CAMTA1: variants seen among roughly 807,000 people sequenced by gnomAD.
CAMTA1 encodes the protein calmodulin-binding transcription activator 1.
In CAMTA1, 27 loss-of-function variants were observed where a neutral mutation model predicts 170.9. That is an observed-to-expected ratio of 0.16 (90% CI 0.12 to 0.22). The LOEUF is 0.22. CAMTA1 is among the 10% of genes least tolerant of loss of function. The pLI is 1.00. For synonymous variants in CAMTA1, 833 were observed against 891.5 expected (o/e 0.93, Z 1.17); for missense variants, 1,619 against 2,217.2 (o/e 0.73, Z 5.42).
intron 6 of CAMTA1, among the ~76,000 whole-genome samples, chr1:7,639,890 C>T (rs2095747014): frequency 6.6e-6 from 1 of 152,172 alleles, no homozygotes; most frequent in Non-Finnish European, 1.5e-5. Flanking sequence ...AGCTCCTTTT[C>T]CCCTTGGGGA....
intron 1 of CAMTA1, among the ~76,000 whole-genome samples, chr1:6,816,805 C>T (rs1250685994): frequency 6.6e-6 from 1 of 152,196 alleles, no homozygotes; most frequent in Non-Finnish European, 1.5e-5. Flanking sequence ...AGACAGGCGC[C>T]TAGAGGGAGA....
intron 5 of CAMTA1, among the ~76,000 whole-genome samples, chr1:7,466,975 A>G (rs1389637256): frequency 6.6e-6 from 1 of 150,648 alleles, no homozygotes; most frequent in Non-Finnish European, 1.5e-5. Context: ...CCATCTCACC[A>G]GCAAGCCTGG....
chr1:6,997,860 C>T (rs1258780270), intron 3 of CAMTA1, among the ~76,000 whole-genome samples: 1 of 151,920 alleles, frequency 6.6e-6, no homozygotes, highest in East Asian at 1.9e-4. Context: ...CGGGGTTTCA[C>T]CATGGCCAGG....
intron 3 of CAMTA1, among the ~76,000 whole-genome samples, chr1:6,930,630 C>T (rs529173730): frequency 1.3e-5 from 2 of 152,174 alleles, no homozygotes; most frequent in Admixed American, 1.3e-4. Flanking sequence ...TGCTGTACCC[C>T]CCTTTGTCCT....
chr1:6,905,425 C>T lies in CAMTA1; in HGVS notation c.234+80215C>T, dbSNP rs555178109. On this transcript the variant is annotated intron_variant, in intron 3 of 22. Coordinates refer to ENST00000303635, the MANE Select transcript of CAMTA1 (RefSeq NM_015215.4). ...GCCAGGGCTGGTGTTGAACTCCTGA[C>T]CTCAGGTGATCCACCTGCTTCGGCC... is the stretch of plus-strand genomic sequence containing the variant. Among the ~76,000 whole-genome samples the T allele has an allele frequency of 1.6e-4, 24 of 152,196 alleles. 1 individual carries two copies. The highest frequency in any genetic ancestry group is 5.5e-4 in the African/African-American group (23 of 41,514).
At chr1:7,571,043 T>C (rs763520406) in intron 6 of CAMTA1, among the ~76,000 whole-genome samples, 1 of 152,232 alleles carries the variant, frequency 6.6e-6, no homozygotes, top group Non-Finnish European at 1.5e-5. Flanking sequence ...CAACAATCTG[T>C]GCCCAACTGC....
At chr1:7,520,952 A>G (rs2094357953) in intron 6 of CAMTA1, among the ~76,000 whole-genome samples, 1 of 152,220 alleles carries the variant, frequency 6.6e-6, no homozygotes, top group Admixed American at 6.5e-5. Context: ...CACCTTCCCC[A>G]TAATAATATA....
chr1:7,729,561 T>A (rs900200244), intron 11 of CAMTA1, among the ~76,000 whole-genome samples: 1 of 152,146 alleles, frequency 6.6e-6, no homozygotes, highest in Non-Finnish European at 1.5e-5. Context: ...TTCTAGAGAG[T>A]GAGAATATTG....
Position 7,105,513 on chromosome 1 carries a change from G to A in CAMTA1, c.302+14142G>A, listed in dbSNP as rs1269155910. On this transcript the variant is annotated intron_variant, in intron 4 of 22. Transcript: ENST00000303635. ...AGGCGGATCTGCGGCCTTTTCCTCC[G>A]TTCCACTGAGCACTGGGCTGTTGCT... 5.3e-5 allele frequency among the ~76,000 whole-genome samples: 8 copies of A among 152,216 alleles called. 1 individual carries two copies. Among genetic ancestry groups the A allele is most frequent in the Admixed American group, 2.0e-4 (3 of 15,278 alleles).
intron 4 of CAMTA1, among the ~76,000 whole-genome samples, chr1:7,222,040 C>A (rs1309795347): frequency 2.0e-5 from 3 of 152,142 alleles, no homozygotes; most frequent in Non-Finnish European, 4.4e-5. Context: ...ACAGGGGCGA[C>A]AGGACTGTGA....
intron 6 of CAMTA1, among the ~76,000 whole-genome samples, chr1:7,480,073 G>A (rs2093489126): frequency 6.6e-6 from 1 of 151,814 alleles, no homozygotes; most frequent in Non-Finnish European, 1.5e-5. Context: ...GTTTGTGTGA[G>A]TGCATGTGTC....
chr1:7,016,232 G>T lies in CAMTA1; in HGVS notation c.235-75072G>T, dbSNP rs1700516946. Among the ~76,000 whole-genome samples, 3 of 152,164 alleles carry T rather than the reference G, an allele frequency of 2.0e-5. No homozygotes were observed. In the South Asian group the frequency reaches 6.2e-4, roughly 32 times the overall value. The stretch of plus-strand genomic sequence containing the variant: ...ACACCCGTGAGAGCCGTCTGAGTTG[G>T]TGTATGTGTCAACAGTTGGTTCCTT... On this transcript the variant is annotated intron_variant, in intron 3 of 22. Coordinates refer to ENST00000303635, the MANE Select transcript of CAMTA1 (RefSeq NM_015215.4).
At chr1:7,656,646 TG>T (rs1384106596) in intron 7 of CAMTA1, among the ~76,000 whole-genome samples, 1 of 152,200 alleles carries the variant, frequency 6.6e-6, no homozygotes, top group Non-Finnish European at 1.5e-5. Flanking sequence ...GGGCATGGGA[TG>T]GAGCAGCTGC....
chr1:7,710,348 A>AGCGTGTTGGCTCACACCTGTAATCCCT (rs1241612445), intron 11 of CAMTA1, among the ~76,000 whole-genome samples: 25 of 152,190 alleles, frequency 1.6e-4, no homozygotes, highest in Admixed American at 1.2e-3. Flanking sequence ...CTGTAATCCC[A>AGCGTGTTGGCTCACACCTGTAATCCCT]GCATGTTGGG....
intron 5 of CAMTA1, among the ~76,000 whole-genome samples, chr1:7,386,234 C>T (rs1257124893): frequency 2.6e-5 from 4 of 152,220 alleles, no homozygotes; most frequent in African/African-American, 4.8e-5. Context: ...AGACATGGTT[C>T]GTAGTCAGCT....
At chr1:6,846,958 G>C (rs995723179) in intron 3 of CAMTA1, among the ~76,000 whole-genome samples, 9 of 151,946 alleles carry the variant, frequency 5.9e-5, no homozygotes, top group Admixed American at 3.3e-4. Context: ...AGATGTATCT[G>C]CGGCAAAAAG....
chr1:7,172,396 C>T (rs1174334899), intron 4 of CAMTA1, among the ~76,000 whole-genome samples: 1 of 152,222 alleles, frequency 6.6e-6, no homozygotes, highest in African/African-American at 2.4e-5. Context: ...GTGATCTGCC[C>T]ACCTCGGCCT....
chr1:6,826,846 C>G (rs924790277), intron 3 of CAMTA1, among the ~76,000 whole-genome samples: 3 of 152,164 alleles, frequency 2.0e-5, no homozygotes, highest in Non-Finnish European at 4.4e-5. Flanking sequence ...TGTAGCAGTG[C>G]TGGGAATTTA....
chr1:7,705,480 T>G (rs2096508021), intron 11 of CAMTA1, among the ~76,000 whole-genome samples: 1 of 147,316 alleles, frequency 6.8e-6, no homozygotes, highest in African/African-American at 2.5e-5. Flanking sequence ...CGTGTGTCTG[T>G]GTCGGAGCGA....
Sources: gnomAD v4.1 joint callset for allele counts (sites outside exome capture counted in the v4.1 genomes callset) on GRCh38, gnomAD v4.1.1 for gene constraint, MANE v1.5 for transcripts, NCBI Gene and HGNC (gene_info 2026-07-23, HGNC 2026-07-21) for gene names.